Variants in CDH13 observed in about 807,000 individuals in gnomAD.
CDH13 encodes the protein cadherin-13.
CDH13 carries 24 observed loss-of-function variants against 63.8 expected under a neutral mutation model. The observed-to-expected ratio is 0.38, with a 90% CI of 0.27 to 0.53. The LOEUF is 0.53. CDH13 is among the 20% of genes least tolerant of loss of function. CDH13 has a pLI of 0.85. For missense variants in CDH13, 1,049 were observed against 903.1 expected (o/e 1.16, Z -2.07); for synonymous variants, 503 against 355.3 (o/e 1.42, Z -4.67).
intron 5 of CDH13, among the ~76,000 whole-genome samples, chr16:83,325,814 T>G (rs1010808411): frequency 1.3e-5 from 2 of 152,142 alleles, no homozygotes; most frequent in Non-Finnish European, 2.9e-5. Flanking sequence ...TTAAACACAC[T>G]CTATCTCATC....
chr16:83,754,232 T>A (rs1288670117), intron 11 of CDH13, among the ~76,000 whole-genome samples: 1 of 152,110 alleles, frequency 6.6e-6, no homozygotes, highest in Non-Finnish European at 1.5e-5. Context: ...ATTTGCCAGA[T>A]TTTGAAGGTA....
chr16:82,963,677 C>T (rs574707495), intron 2 of CDH13, among the ~76,000 whole-genome samples: 11 of 152,102 alleles, frequency 7.2e-5, no homozygotes, highest in Non-Finnish European at 1.3e-4. Flanking sequence ...TTCGTATTTC[C>T]CCCCTAAATC....
chr16:83,538,472 G>C (rs950980576), intron 7 of CDH13, among the ~76,000 whole-genome samples: 4 of 152,200 alleles, frequency 2.6e-5, no homozygotes, highest in African/African-American at 9.7e-5. Flanking sequence ...ACTTTTATGA[G>C]ATTTCACCCA....
chr16:82,706,803 C>CA (rs958602722), intron 1 of CDH13, among the ~76,000 whole-genome samples: 2,406 of 144,058 alleles, frequency 0.017, 63 homozygotes, highest in African/African-American at 0.058. Flanking sequence ...GACTCTGTCT[C>CA]AAAAAAAAAA....
At chr16:82,920,843 C>T (rs543727252) in intron 2 of CDH13, among the ~76,000 whole-genome samples, 11 of 152,254 alleles carry the variant, frequency 7.2e-5, no homozygotes, top group African/African-American at 9.6e-5. Context: ...ACATTTATAC[C>T]ACTAAGTATG....
chr16:83,330,526 C>T (rs1490904009), intron 5 of CDH13, among the ~76,000 whole-genome samples: 1 of 152,150 alleles, frequency 6.6e-6, no homozygotes, highest in South Asian at 2.1e-4. Context: ...AGAGGCCAAC[C>T]CAAAGTGCTA....
intron 2 of CDH13, among the ~76,000 whole-genome samples, chr16:82,893,936 C>T (rs922571525): frequency 1.3e-5 from 2 of 152,194 alleles, no homozygotes; most frequent in East Asian, 1.9e-4. Flanking sequence ...TCAGTAACCT[C>T]CCACATGTTT....
intron 10 of CDH13, among the ~76,000 whole-genome samples, chr16:83,691,830 C>G (rs2150892639): frequency 6.6e-6 from 1 of 152,252 alleles, no homozygotes; most frequent in East Asian, 1.9e-4. Context: ...CCGCTTTCTG[C>G]TATAGCTACA....
At chr16:82,991,023 A>G (rs541860623) in intron 2 of CDH13, among the ~76,000 whole-genome samples, 1 of 152,202 alleles carries the variant, frequency 6.6e-6, no homozygotes, top group African/African-American at 2.4e-5. Flanking sequence ...GGTGCCTACC[A>G]GAGATAGGGC....
At chr16:82,770,937 A>G (rs1039122329) in intron 1 of CDH13, among the ~76,000 whole-genome samples, 2 of 152,136 alleles carry the variant, frequency 1.3e-5, no homozygotes, top group Non-Finnish European at 2.9e-5. Flanking sequence ...TGAACTACTA[A>G]GCTCTGAGCT....
intron 4 of CDH13, among the ~76,000 whole-genome samples, chr16:83,141,840 A>C (rs1450501103): frequency 6.6e-6 from 1 of 152,196 alleles, no homozygotes; most frequent in Non-Finnish European, 1.5e-5. Context: ...TGCAAAGGAC[A>C]TGAATTCATT....
intron 2 of CDH13, chr16:82,953,276 A>G (rs1567689464): frequency 6.6e-6 from 1 of 152,194 alleles, no homozygotes; most frequent in Admixed American, 6.5e-5. Context: ...CAGAAAGGTT[A>G]TTGCCAAATA....
chr16:83,795,501 T>G lies in CDH13; in HGVS notation c.*471T>G, dbSNP rs1030620862. The G allele has an allele frequency of 6.2e-6, 1 of 160,660 alleles. No individual in the cohort carries two copies. Among genetic ancestry groups the G allele is most frequent in the African/African-American group, 2.4e-5 (1 of 41,498 alleles). 10.0% of individuals were successfully genotyped at this position (160,660 alleles called of 1,614,324 possible). ...AAGGTTAAGCAAGGTGGGTGGAAAC[T>G]AAGACACCTGAACCCTCCAGGGCCT... On this transcript the variant is annotated 3_prime_UTR_variant, in exon 14 of 14. Coordinates refer to ENST00000567109, the MANE Select transcript of CDH13 (RefSeq NM_001257.5).
intron 5 of CDH13, among the ~76,000 whole-genome samples, chr16:83,258,395 C>G (rs1161496526): frequency 6.6e-6 from 1 of 152,170 alleles, no homozygotes; most frequent in Non-Finnish European, 1.5e-5. Flanking sequence ...AAAAATTAGA[C>G]TCAAAGATAT....
chr16:83,520,233 A>G (rs1418295604), intron 7 of CDH13, among the ~76,000 whole-genome samples: 1 of 152,222 alleles, frequency 6.6e-6, no homozygotes, highest in Non-Finnish European at 1.5e-5. Flanking sequence ...TGACACTCAC[A>G]GGCTCTAAGT....
rs537933344 is a variant in CDH13, at chr16:83,125,006, A to T, written c.367-379A>T. Among the ~76,000 whole-genome samples, 18 of 152,342 alleles carry T rather than the reference A, an allele frequency of 1.2e-4. No homozygotes were observed. The South Asian group carries it at 2.9e-3, about 25-fold the overall frequency. On this transcript the variant is annotated intron_variant, in intron 3 of 13. Coordinates refer to ENST00000567109, the MANE Select transcript of CDH13 (RefSeq NM_001257.5). ...GGATTTGTTATAAAACCAATTCTTT[A>T]TTGGCTGTAAATCAAATAAAATTTT...
In CDH13 at chr16:83,269,768, G is replaced by T. The variant is rs114428134; in HGVS notation, c.636+52271G>T. ...TTCTCCTAGCCTTGCTCCTCACCAG[G>T]TAATCCTAGACATATGGACAGCTCA... On this transcript the variant is annotated intron_variant, in intron 5 of 13. Coordinates refer to ENST00000567109, the MANE Select transcript of CDH13 (RefSeq NM_001257.5). 8.6e-3 allele frequency among the ~76,000 whole-genome samples: 1,309 copies of T among 152,198 alleles called. 13 individuals are homozygous for T. The highest frequency in any genetic ancestry group is 0.03 in the African/African-American group (1,240 of 41,506).
chr16:83,085,046 A>T (rs2033492737), intron 3 of CDH13, among the ~76,000 whole-genome samples: 1 of 152,156 alleles, frequency 6.6e-6, no homozygotes. Context: ...GTCTGGCTTT[A>T]ATCTTCATAG....
At position 83,047,436 on chromosome 16, in the gene CDH13, G is replaced by C. The variant is rs997755926; in HGVS notation, c.366+15218G>C. 6.6e-6 allele frequency among the ~76,000 whole-genome samples: 1 copy of C among 151,994 alleles called. No individual in the cohort carries two copies. Among genetic ancestry groups the C allele is most frequent in the Non-Finnish European group, 1.5e-5 (1 of 68,020 alleles). ...TTAACAAAGCCTAGTCTGTAAGAGC[G>C]TGACCACCAGTCTTATTTACCTTGT... is the stretch of plus-strand genomic sequence containing the variant. On this transcript the variant is annotated intron_variant, in intron 3 of 13. Coordinates refer to ENST00000567109, the MANE Select transcript of CDH13 (RefSeq NM_001257.5). The surrounding 1 kb of genome is among the most constrained non-coding windows in gnomAD (Gnocchi z 4.9).
Sources: allele counts gnomAD v4.1 joint callset (sites outside exome capture counted in the v4.1 genomes callset), GRCh38; gene constraint gnomAD v4.1.1; non-coding constraint Gnocchi (gnomAD v3.1); transcripts MANE v1.5; gene names NCBI Gene and HGNC (gene_info 2026-07-23, HGNC 2026-07-21).